Variants in SP100 observed in about 807,000 individuals in gnomAD.
SP100 encodes the protein nuclear autoantigen Sp-100.
Under a neutral mutation model 130.0 loss-of-function variants are expected in SP100, and 84 were observed. The ratio of observed to expected loss-of-function variants is 0.65; its 90% CI spans 0.54 to 0.77. SP100 has a LOEUF of 0.77. Among genes scored for constraint, SP100 ranks in the 30% least tolerant of loss-of-function variants. SP100 has a pLI of 0.00. For synonymous variants in SP100, 331 were observed against 351.7 expected (o/e 0.94, Z 0.66); for missense variants, 978 against 1,052.2 (o/e 0.93, Z 0.97).
chr2:230,522,820 A>C (rs1253078566), intron 24 of SP100, among the ~76,000 whole-genome samples: 1 of 151,198 alleles, frequency 6.6e-6, no homozygotes, highest in Non-Finnish European at 1.5e-5. Context: ...AATATTTTTT[A>C]CTTTATTTTT....
rs1345786767 is a variant in SP100, at chr2:230,503,091, G to C, written c.1746G>C (p.Leu582Phe). The change falls in exon 20 of 29, where the codon TTG (leucine) becomes TTC (phenylalanine). Residue 582 changes from leucine (L) to phenylalanine (F), a missense_variant. Transcript: ENST00000340126. ...GAAGAAAAGCCAACACTAGACCTTT[G>C]AAAAGAAGAAGAAAAAGAGGTAAAT... ...QRGRKANTRP[L>F]KRRRKRGPRI... 6.2e-7 allele frequency: 1 copy of C among 1,603,220 alleles called. No homozygotes were observed. Among genetic ancestry groups the C allele is most frequent in the Non-Finnish European group, 8.5e-7 (1 of 1,172,820 alleles).
At chr2:230,501,749 G>C (rs530661084) in intron 19 of SP100, among the ~76,000 whole-genome samples, 1 of 152,182 alleles carries the variant, frequency 6.6e-6, no homozygotes, top group African/African-American at 2.4e-5. Context: ...TTAAGAAAGA[G>C]CATCCACTTT....
At chr2:230,421,131 GC>G (rs538710308) in intron 2 of SP100, among the ~76,000 whole-genome samples, 2,120 of 151,838 alleles carry the variant, frequency 0.014, 23 homozygotes, top group Non-Finnish European at 0.022. Flanking sequence ...ACATCCTCCC[GC>G]CCCTCCCCGC....
chr2:230,524,750 C>G (rs1192401793), intron 24 of SP100, among the ~76,000 whole-genome samples: 1 of 152,132 alleles, frequency 6.6e-6, no homozygotes, highest in Non-Finnish European at 1.5e-5. Context: ...AAACATGTTT[C>G]TAAAAATTGC....
At chr2:230,440,958 GAA>G (rs200619393) in intron 2 of SP100, among the ~76,000 whole-genome samples, 1 of 149,012 alleles carries the variant, frequency 6.7e-6, no homozygotes, top group African/African-American at 2.5e-5. Context: ...AATTATAAAA[GAA>G]AAAAAAATAA....
At chr2:230,490,226 T>G (rs1284887205) in intron 17 of SP100, among the ~76,000 whole-genome samples, 1 of 152,094 alleles carries the variant, frequency 6.6e-6, no homozygotes, top group Non-Finnish European at 1.5e-5. Context: ...CTTGTTGAAT[T>G]TTTCCCTTTA....
At chr2:230,418,283 A>G (rs927688938) in intron 2 of SP100, among the ~76,000 whole-genome samples, 1 of 152,070 alleles carries the variant, frequency 6.6e-6, no homozygotes, top group African/African-American at 2.4e-5. Context: ...GTTTCTTGTC[A>G]TTTCTAATTT....
chr2:230,539,391 G>A lies in SP100; in HGVS notation c.2210+9G>A. On this transcript the variant is annotated intron_variant, in intron 25 of 28. Coordinates refer to ENST00000340126, the MANE Select transcript of SP100 (RefSeq NM_001080391.2). ...TCCGTGGAAGCTAACAAGTGAGTAAGACATGTCCCCTTCCCTGAGCCCTTC... is the reference window on the plus strand; with the variant it reads ...TCCGTGGAAGCTAACAAGTGAGTAAAACATGTCCCCTTCCCTGAGCCCTTC... 3 of 1,587,312 alleles carry A rather than the reference G, an allele frequency of 1.9e-6. No homozygotes were observed. The highest frequency in any genetic ancestry group is 1.3e-5 in the African/African-American group (1 of 74,538).
intron 22 of SP100, chr2:230,507,504 G>A (rs1448675453): frequency 6.5e-6 from 1 of 152,688 alleles, no homozygotes; most frequent in Admixed American, 6.5e-5. Flanking sequence ...CAGAAGGAAG[G>A]CTGTGCTTTC....
chr2:230,480,859 C>T (rs1037065556), intron 17 of SP100, among the ~76,000 whole-genome samples: 2 of 152,138 alleles, frequency 1.3e-5, no homozygotes, highest in African/African-American at 2.4e-5. Flanking sequence ...TTGGCATGAC[C>T]GTGATCAGGT....
chr2:230,490,546 G>C (rs774357948), intron 17 of SP100, among the ~76,000 whole-genome samples: 4 of 152,154 alleles, frequency 2.6e-5, no homozygotes, highest in Non-Finnish European at 5.9e-5. Context: ...ATGCTATCTG[G>C]TTATTTTGCA....
intron 24 of SP100, among the ~76,000 whole-genome samples, chr2:230,522,258 G>A (rs73098961): frequency 0.012 from 1,799 of 152,232 alleles, 48 homozygotes; most frequent in African/African-American, 0.041. Context: ...TGGTGATTGT[G>A]TGTGTGTTGA....
intron 19 of SP100, among the ~76,000 whole-genome samples, chr2:230,499,490 C>CT (rs1165512831): frequency 1.4e-5 from 2 of 142,122 alleles, no homozygotes; most frequent in East Asian, 2.0e-4. Flanking sequence ...CTCTCTCTCT[C>CT]CCCCTATATA....
chr2:230,481,742 G>T (rs958635986), intron 17 of SP100, among the ~76,000 whole-genome samples: 3 of 152,112 alleles, frequency 2.0e-5, no homozygotes, highest in Admixed American at 6.5e-5. Context: ...CATTACAAAG[G>T]CTGCCCCTGA....
intron 24 of SP100, among the ~76,000 whole-genome samples, chr2:230,513,132 C>G (rs951109065): frequency 6.6e-6 from 1 of 152,162 alleles, no homozygotes; most frequent in East Asian, 1.9e-4. Context: ...AGGTCCTTAT[C>G]CCGGAAGTTG....
intron 15 of SP100, among the ~76,000 whole-genome samples, chr2:230,472,427 C>CAA (rs201703163): frequency 0.04 from 2,465 of 61,052 alleles, 233 homozygotes; most frequent in Middle Eastern, 0.057. Flanking sequence ...GACTCCGTCT[C>CAA]AAAAAAAAAA....
At position 230,539,398 on chromosome 2, in the gene SP100, C is replaced by A; in HGVS notation, c.2210+16C>A. 1.3e-6 allele frequency: 2 copies of A among 1,561,902 alleles called. No homozygotes were observed. Among genetic ancestry groups the A allele is most frequent in the South Asian group, 2.2e-5 (2 of 89,988 alleles). On this transcript the variant is annotated intron_variant, in intron 25 of 28. Coordinates refer to ENST00000340126, the MANE Select transcript of SP100 (RefSeq NM_001080391.2). ...AAGCTAACAAGTGAGTAAGACATGTCCCCTTCCCTGAGCCCTTCCTTCTTG... is the reference window on the plus strand; with the variant it reads ...AAGCTAACAAGTGAGTAAGACATGTACCCTTCCCTGAGCCCTTCCTTCTTG...
chr2:230,442,332 A>G (rs1279239851), intron 2 of SP100, among the ~76,000 whole-genome samples: 2 of 152,184 alleles, frequency 1.3e-5, no homozygotes, highest in African/African-American at 4.8e-5. Flanking sequence ...ATACAGAGAG[A>G]TTGATATTAA....
At position 230,442,973 on chromosome 2, in the gene SP100, G is replaced by T. The variant is rs1264380365; in HGVS notation, c.144G>T (p.Leu48=). 2 of 1,613,296 alleles carry T rather than the reference G, an allele frequency of 1.2e-6. No individual in the cohort carries two copies. Among genetic ancestry groups the T allele is most frequent in the Non-Finnish European group, 1.7e-6 (2 of 1,179,698 alleles). The change falls in exon 3 of 29, where the codon CTG becomes CTT. Residue 48 remains leucine (L), a synonymous_variant. Coordinates refer to ENST00000340126, the MANE Select transcript of SP100 (RefSeq NM_001080391.2). ...FTEDQGVDDR[L]LYDIVFKHFK... is the part of the protein sequence containing the mutation. The stretch of plus-strand genomic sequence containing the variant: ...AAGACCAGGGTGTAGATGACAGGCT[G>T]CTCTATGACATTGTATTCAAGCACT...
Sources: gnomAD v4.1 joint callset for allele counts (sites outside exome capture counted in the v4.1 genomes callset) on GRCh38, gnomAD v4.1.1 for gene constraint, MANE v1.5 for transcripts, NCBI Gene and HGNC (gene_info 2026-07-23, HGNC 2026-07-21) for gene names.